Variants in MCM6 observed in about 807,000 individuals in gnomAD.
The protein encoded by MCM6 is minichromosome maintenance complex component 6, also known as DNA replication licensing factor MCM6.
MCM6 carries 46 observed loss-of-function variants against 94.3 expected under a neutral mutation model. The ratio of observed to expected loss-of-function variants is 0.49; its 90% confidence interval spans 0.39 to 0.62. The LOEUF (loss-of-function observed/expected upper bound fraction) is 0.62, where lower values mean the gene tolerates loss of function less well. Among genes scored for constraint, MCM6 ranks in the 20% least tolerant of loss-of-function variants. The pLI is 0.00. For synonymous variants in MCM6, 335 were observed against 351.9 expected, an observed-to-expected ratio of 0.95 and a Z score of 0.54; for missense variants, 865 against 1,017.9, an observed-to-expected ratio of 0.85 and a Z score of 2.04.
chr2:135,849,126 G>A (rs978071481), intron 13 of MCM6, among the ~76,000 whole-genome samples: 6 of 152,132 alleles, frequency 3.9e-5, no homozygotes. Context: ...TCTAATTCTG[G>A]GCACCTGGTA....
Position 135,840,651 on chromosome 2 carries a change from G to A in MCM6, c.*184C>T. 2 of 566,232 alleles carry A rather than the reference G, an allele frequency of 3.5e-6. No individual in the cohort carries two copies. The highest frequency in any genetic ancestry group is 6.3e-6 in the Non-Finnish European group (2 of 316,096). The allele number at this position is 566,232 out of a possible 1,614,324, so 35.1% of individuals were successfully genotyped here. ...CACCAAAGGAAGTGCTGAAGCCTGT[G>A]TTGGTATGAAACCTGTGATGAATGT... On this transcript the variant is annotated 3_prime_UTR_variant, in exon 17 of 17. Coordinates refer to ENST00000264156, the MANE Select transcript of MCM6 (RefSeq NM_005915.6).
chr2:135,850,050 G>T, intron 13 of MCM6, among the ~76,000 whole-genome samples: 1 of 152,008 alleles, frequency 6.6e-6, no homozygotes, highest in East Asian at 1.9e-4. Flanking sequence ...ATTAGAGACT[G>T]CCCTAAGACA....
intron 8 of MCM6, among the ~76,000 whole-genome samples, chr2:135,860,624 C>CA (rs751550477): frequency 6.6e-6 from 1 of 152,144 alleles, no homozygotes; most frequent in Non-Finnish European, 1.5e-5. Context: ...ACCACCTAAA[C>CA]AGATGTAGAA....
At chr2:135,853,766 G>T (rs1208013209) in intron 11 of MCM6, among the ~76,000 whole-genome samples, 1 of 150,584 alleles carries the variant, frequency 6.6e-6, no homozygotes, top group South Asian at 2.1e-4. Context: ...TATGCAACTT[G>T]CTCTCAAATG....
At chr2:135,873,892 A>G (rs563328333) in intron 1 of MCM6, among the ~76,000 whole-genome samples, 1 of 152,358 alleles carries the variant, frequency 6.6e-6, no homozygotes, top group South Asian at 2.1e-4. Context: ...CAGCTTCTGA[A>G]AGAGTTAAAA....
chr2:135,872,857 C>T lies in MCM6; in HGVS notation c.108-14G>A, dbSNP rs772705541. On this transcript the variant is annotated splice_polypyrimidine_tract_variant and intron_variant, in intron 1 of 16. Transcript: ENST00000264156. ...CTGCTCTGAAACCTGCAGGTACATTCGAGTCAACTAGATTAAGGACACAGG... is the reference window on the plus strand; with the variant it reads ...CTGCTCTGAAACCTGCAGGTACATTTGAGTCAACTAGATTAAGGACACAGG... 22 of 1,612,924 alleles carry T rather than the reference C, an allele frequency of 1.4e-5. No homozygotes were observed. Among genetic ancestry groups the T allele is most frequent in the Middle Eastern group, 3.3e-4 (2 of 6,082 alleles).
chr2:135,871,655 T>C (rs1303257770), intron 2 of MCM6, among the ~76,000 whole-genome samples: 1 of 152,238 alleles, frequency 6.6e-6, no homozygotes, highest in Non-Finnish European at 1.5e-5. Context: ...CTATTAAATA[T>C]AATGTCTAAC....
chr2:135,869,899 C>T (rs149891907), intron 3 of MCM6, among the ~76,000 whole-genome samples: 10 of 152,186 alleles, frequency 6.6e-5, no homozygotes, highest in Admixed American at 2.6e-4. Context: ...GGGTATAACT[C>T]CTACAAAAGT....
At chr2:135,864,093 A>G (rs4988187) in intron 7 of MCM6, among the ~76,000 whole-genome samples, 1,579 of 152,308 alleles carry the variant, frequency 0.01, 28 homozygotes, top group African/African-American at 0.037. Context: ...CCTGGGCGAC[A>G]GAGTGAGACT....
chr2:135,870,213 T>C, intron 3 of MCM6, 38 bp downstream of exon 3: 1 of 1,477,204 alleles, frequency 6.8e-7, no homozygotes, highest in Non-Finnish European at 9.5e-7. Context: ...CTTATACCAT[T>C]TGGTGAATTC....
chr2:135,852,775 A>G lies in MCM6; in HGVS notation c.1755+12T>C. ...CCATTATACCTTATCCCAGTACAAA[A>G]GGGTAGGTTACCTTGGGTTTAAACT... On this transcript the variant is annotated intron_variant, in intron 12 of 16. Coordinates refer to ENST00000264156, the MANE Select transcript of MCM6 (RefSeq NM_005915.6). 3.2e-6 allele frequency: 5 copies of G among 1,557,254 alleles called. No individual in the cohort carries two copies. The highest frequency in any genetic ancestry group is 4.3e-6 in the Non-Finnish European group (5 of 1,153,162).
intron 13 of MCM6, among the ~76,000 whole-genome samples, chr2:135,850,069 T>C (rs1679745275): frequency 6.6e-6 from 1 of 152,070 alleles, no homozygotes; most frequent in East Asian, 1.9e-4. Context: ...CATGTACCAG[T>C]TTTATGCAAC....
At chr2:135,845,838 A>G (rs896485172) in intron 15 of MCM6, among the ~76,000 whole-genome samples, 3 of 152,206 alleles carry the variant, frequency 2.0e-5, no homozygotes, top group African/African-American at 7.2e-5. Flanking sequence ...TGGCCTTTTG[A>G]TAGTATAGAT....
intron 11 of MCM6, among the ~76,000 whole-genome samples, chr2:135,856,248 G>A (rs150989484): frequency 4.1e-4 from 63 of 152,226 alleles, no homozygotes; most frequent in Middle Eastern, 6.8e-3. Flanking sequence ...TTCAAGACCA[G>A]CCTGACCAAC....
rs759213594 is a variant in MCM6, at chr2:135,857,945, A to G, written c.1422T>C (p.His474=). The G allele has an allele frequency of 1.2e-5, 20 of 1,613,916 alleles. No homozygotes were observed. Among genetic ancestry groups the G allele is most frequent in the Non-Finnish European group, 2.5e-6 (3 of 1,180,046 alleles). Residue 474 remains histidine, a synonymous_variant, in exon 10 of 17, where the codon CAT becomes CAC. Coordinates refer to ENST00000264156, the MANE Select transcript of MCM6 (RefSeq NM_005915.6). ...KMDVRDQVAI[H]EAMEQQTISI... is the part of the protein sequence containing the mutation. ...ATATGGTCTGCTGTTCCATAGCTTCATGAATAGCAACTTGATCCCGCACGT... is the reference window on the plus strand; with the variant it reads ...ATATGGTCTGCTGTTCCATAGCTTCGTGAATAGCAACTTGATCCCGCACGT...
At chr2:135,847,435 T>C (rs1318454984) in intron 14 of MCM6, among the ~76,000 whole-genome samples, 2 of 152,164 alleles carry the variant, frequency 1.3e-5, no homozygotes, top group Non-Finnish European at 2.9e-5. Context: ...ATTTCTAGTA[T>C]TTTTCTGTTC....
intron 11 of MCM6, among the ~76,000 whole-genome samples, chr2:135,855,974 A>G (rs1286066976): frequency 6.6e-6 from 1 of 152,226 alleles, no homozygotes; most frequent in Admixed American, 6.5e-5. Flanking sequence ...AGTGAGAAAA[A>G]AAGGTAAAAT....
chr2:135,842,459 A>G (rs1679593263), intron 16 of MCM6, among the ~76,000 whole-genome samples: 1 of 152,208 alleles, frequency 6.6e-6, no homozygotes, highest in South Asian at 2.1e-4. Flanking sequence ...AAATTTAACC[A>G]TTCAACATAT....
intron 14 of MCM6, among the ~76,000 whole-genome samples, chr2:135,847,580 T>C (rs965335512): frequency 1.4e-4 from 22 of 152,226 alleles, no homozygotes; most frequent in African/African-American, 5.1e-4. Context: ...TATGTATTTT[T>C]TGAGACAGAG....
Sources: allele counts gnomAD v4.1 joint callset (sites outside exome capture counted in the v4.1 genomes callset), GRCh38; gene constraint gnomAD v4.1.1; transcripts MANE v1.5; gene names NCBI Gene and HGNC (gene_info 2026-07-23, HGNC 2026-07-21).